The following PCDHA8 variants were observed in gnomAD, a reference collection of about 807,000 sequenced individuals.
PCDHA8 encodes the protein protocadherin alpha-8.
In PCDHA8, 53 loss-of-function variants were observed where a neutral mutation model predicts 61.8. The ratio of observed to expected loss-of-function variants is 0.86; its 90% CI spans 0.69 to 1.08. The LOEUF is 1.08. Among genes scored for constraint, PCDHA8 ranks in the 50% least tolerant of loss-of-function variants. PCDHA8 has a pLI of 0.00. For synonymous variants in PCDHA8, 618 were observed against 556.6 expected (o/e 1.11, Z -1.55); for missense variants, 1,293 against 1,245.0 (o/e 1.04, Z -0.58).
intron 1 of PCDHA8, among the ~76,000 whole-genome samples, chr5:140,911,201 C>G: frequency 6.6e-6 from 1 of 152,110 alleles, no homozygotes; most frequent in Non-Finnish European, 1.5e-5. Context: ...GACATGTTGC[C>G]ACTACTGGGG....
chr5:140,930,012 A>G (rs1369011586), intron 1 of PCDHA8: 1 of 152,208 alleles, frequency 6.6e-6, no homozygotes, highest in Non-Finnish European at 1.5e-5. Context: ...CATAGCTGAT[A>G]GCTCCATAGC....
intron 1 of PCDHA8, chr5:140,927,041 T>C: frequency 6.2e-7 from 1 of 1,612,456 alleles, no homozygotes; most frequent in South Asian, 1.1e-5. Flanking sequence ...GCGGCCGCTA[T>C]GTCCTCGCGG....
At chr5:140,872,840 A>G (rs1297929350) in intron 1 of PCDHA8, among the ~76,000 whole-genome samples, 4 of 152,198 alleles carry the variant, frequency 2.6e-5, no homozygotes, top group African/African-American at 9.6e-5. Context: ...AAAAAATTAA[A>G]TATATTAATG....
chr5:140,916,210 A>G, intron 1 of PCDHA8, among the ~76,000 whole-genome samples: 1 of 152,210 alleles, frequency 6.6e-6, no homozygotes, highest in East Asian at 1.9e-4. Context: ...GCCCTGGGGA[A>G]GATCCAAATA....
At chr5:140,852,972 G>A (rs2150526368) in intron 1 of PCDHA8, 5 of 376,752 alleles carry the variant, frequency 1.3e-5, no homozygotes, top group South Asian at 2.2e-4. Context: ...TCCCCCTCCC[G>A]TGTTCACGCC....
chr5:140,908,142 A>T (rs1371459142), intron 1 of PCDHA8, among the ~76,000 whole-genome samples: 1 of 152,158 alleles, frequency 6.6e-6, no homozygotes, highest in East Asian at 1.9e-4. Context: ...TCCTTCAGGT[A>T]TGTCCTAGGA....
intron 1 of PCDHA8, among the ~76,000 whole-genome samples, chr5:140,965,537 A>T (rs528440377): frequency 1.3e-5 from 2 of 152,204 alleles, no homozygotes; most frequent in East Asian, 3.9e-4. Context: ...ATGGAATCCA[A>T]ATTCCAGCCT....
At chr5:140,882,332 G>T (rs782439110) in intron 1 of PCDHA8, 20 of 1,614,060 alleles carry the variant, frequency 1.2e-5, no homozygotes, top group Non-Finnish European at 1.7e-5. Flanking sequence ...TCTGATCCTC[G>T]CAGCCTGGGA....
At chr5:140,899,222 A>T (rs1377710696) in intron 1 of PCDHA8, among the ~76,000 whole-genome samples, 2 of 152,012 alleles carry the variant, frequency 1.3e-5, no homozygotes, top group Non-Finnish European at 2.9e-5. Context: ...AACTTCCAAC[A>T]CTATGTTGAA....
rs2150351247 is a variant in PCDHA8, at chr5:140,843,055, C to T, written c.1734C>T (p.Ser578=). The stretch of plus-strand genomic sequence containing the variant: ...TGGGTGGCACTGGTGGCGCAGCGAG[C>T]AAGCTGGTGCCGCGGTCTGTGGGCG... ...PRVGGTGGAA[S]KLVPRSVGAG... Residue 578 remains serine (S), a synonymous_variant, in exon 1 of 4, where the codon AGC becomes AGT. Coordinates refer to ENST00000531613, the MANE Select transcript of PCDHA8 (RefSeq NM_018911.3). 5 of 1,595,064 alleles carry T rather than the reference C, an allele frequency of 3.1e-6. 1 individual carries two copies. Among genetic ancestry groups the T allele is most frequent in the Non-Finnish European group, 4.3e-6 (5 of 1,165,218 alleles).
Position 141,009,784 on chromosome 5 carries a change from G to T in PCDHA8, c.2700G>T (p.Arg900=). The T allele has an allele frequency of 6.2e-7, 1 of 1,614,054 alleles. No individual in the cohort carries two copies. The highest frequency in any genetic ancestry group is 8.5e-7 in the Non-Finnish European group (1 of 1,180,018). ...GATCTCCTGCAATCATCTCCATCCG[G>T]CAGGAGCCTACTAACAGCCAAATTG... ...IPGSPAIISI[R]QEPTNSQIDK... The change falls in exon 4 of 4, where the codon CGG becomes CGT. Residue 900 remains arginine (R), a synonymous_variant. Coordinates refer to ENST00000531613, the MANE Select transcript of PCDHA8 (RefSeq NM_018911.3).
Position 140,858,059 on chromosome 5 carries a change from G to C in PCDHA8, c.2394+14344G>C, listed in dbSNP as rs200045353. 1,846 of 1,597,616 alleles carry C rather than the reference G, an allele frequency of 1.2e-3. 155 individuals carry two copies. The highest frequency in any genetic ancestry group is 1.5e-3 in the Middle Eastern group (9 of 5,984). On this transcript the variant is annotated intron_variant, in intron 1 of 3. Coordinates refer to ENST00000531613, the MANE Select transcript of PCDHA8 (RefSeq NM_018911.3). ...CACTGTGCTTGTGTCGCTTGTGGAG[G>C]GCAGCCAGGCACCCAAGGCCTCGTC...
intron 1 of PCDHA8, among the ~76,000 whole-genome samples, chr5:140,921,417 A>C (rs1292321863): frequency 6.6e-6 from 1 of 152,210 alleles, no homozygotes; most frequent in Non-Finnish European, 1.5e-5. Flanking sequence ...TCTGTGCTGC[A>C]GACAAAAATT....
chr5:140,986,246 C>T (rs561365390), intron 3 of PCDHA8, among the ~76,000 whole-genome samples: 1 of 152,178 alleles, frequency 6.6e-6, no homozygotes, highest in African/African-American at 2.4e-5. Flanking sequence ...TGAGCAGACC[C>T]GGACCACAGG....
At chr5:140,879,137 G>A (rs1313863348) in intron 1 of PCDHA8, among the ~76,000 whole-genome samples, 2 of 152,210 alleles carry the variant, frequency 1.3e-5, no homozygotes, top group Non-Finnish European at 2.9e-5. Context: ...GGGAGATTGT[G>A]AAGGCAGGAA....
Position 140,857,497 on chromosome 5 carries a change from G to T in PCDHA8, c.2394+13782G>T, listed in dbSNP as rs1473016176. Reference sequence around the variant, plus strand: ...CGGTGTCTGCGTGGGACGCGGACGCGCAGGAGAACGCCCTGGTGTCCTACT... The same window carrying T: ...CGGTGTCTGCGTGGGACGCGGACGCTCAGGAGAACGCCCTGGTGTCCTACT... On this transcript the variant is annotated intron_variant, in intron 1 of 3. Coordinates refer to ENST00000531613, the MANE Select transcript of PCDHA8 (RefSeq NM_018911.3). 10 of 1,598,150 alleles carry T rather than the reference G, an allele frequency of 6.3e-6. 1 individual carries two copies. The highest frequency in any genetic ancestry group is 5.4e-5 in the African/African-American group (4 of 74,450).
intron 3 of PCDHA8, among the ~76,000 whole-genome samples, chr5:140,996,702 T>A (rs2097740306): frequency 6.6e-6 from 1 of 152,174 alleles, no homozygotes; most frequent in African/African-American, 2.4e-5. Context: ...TGAACCTCTA[T>A]CTCTTTGATT....
At chr5:140,879,555 C>A (rs1278975106) in intron 1 of PCDHA8, among the ~76,000 whole-genome samples, 1 of 152,048 alleles carries the variant, frequency 6.6e-6, no homozygotes, top group African/African-American at 2.4e-5. Flanking sequence ...AAAAATAATC[C>A]ATGAAAGAAT....
rs1554144802 is a variant in PCDHA8, at chr5:140,850,697, T to G, written c.2394+6982T>G. ...TGCCCACCGAGGGCGAGTGCGCGCC[T>G]GGCAAGCCGACGCTGGTGTGTTCTA... On this transcript the variant is annotated intron_variant, in intron 1 of 3. Transcript: ENST00000531613. 18 of 1,596,928 alleles carry G rather than the reference T, an allele frequency of 1.1e-5. 1 individual carries two copies. The highest frequency in any genetic ancestry group is 3.4e-5 in the Admixed American group (2 of 59,142).
Sources: gnomAD v4.1 joint callset for allele counts (sites outside exome capture counted in the v4.1 genomes callset) on GRCh38, gnomAD v4.1.1 for gene constraint, MANE v1.5 for transcripts, NCBI Gene and HGNC (gene_info 2026-07-23, HGNC 2026-07-21) for gene names.